Variants in INSYN2B observed in about 807,000 individuals in gnomAD.
INSYN2B encodes the protein inhibitory synaptic factor family member 2B, also known as protein INSYN2B.
INSYN2B carries 16 observed loss-of-function variants against 41.2 expected under a neutral mutation model. The observed-to-expected ratio is 0.39, with a 90% confidence interval of 0.26 to 0.59. The LOEUF is 0.59. Among genes scored for constraint, INSYN2B ranks in the 20% least tolerant of loss-of-function variants. The probability of loss-of-function intolerance (pLI) is 0.57; values close to 1 mark genes in which losing one functional copy is unlikely to be tolerated. For synonymous variants in INSYN2B, 245 were observed against 244.4 expected, an observed-to-expected ratio of 1.00 and a Z score of -0.02; for missense variants, 608 against 646.4, an observed-to-expected ratio of 0.94 and a Z score of 0.64.
At position 169,954,539 on chromosome 5, in the gene INSYN2B, T is replaced by C. The variant is rs75906641; in HGVS notation, c.-919+25738A>G. Reference sequence around the variant, plus strand: ...CCCCTGAAGCTGTGGTTCAGCAGAATCAGGCAGAGCCTGGGTGCAGAAGGG... The same window carrying C: ...CCCCTGAAGCTGTGGTTCAGCAGAACCAGGCAGAGCCTGGGTGCAGAAGGG... On this transcript the variant is annotated intron_variant, in intron 1 of 3. Transcript: ENST00000377365. Among the ~76,000 whole-genome samples, 1,525 of 152,314 alleles carry C rather than the reference T, an allele frequency of 0.01. 77 individuals carry two copies. In the East Asian group the frequency reaches 0.14, roughly 14 times the overall value.
At chr5:169,960,448 A>G (rs1008661939) in intron 1 of INSYN2B, among the ~76,000 whole-genome samples, 28 of 152,342 alleles carry the variant, frequency 1.8e-4, no homozygotes, top group Admixed American at 7.2e-4. Context: ...TTCATCTCAC[A>G]TCTTTTGGGA....
At chr5:169,962,773 G>A (rs1057079905) in intron 1 of INSYN2B, among the ~76,000 whole-genome samples, 1 of 152,188 alleles carries the variant, frequency 6.6e-6, no homozygotes, top group Non-Finnish European at 1.5e-5. Flanking sequence ...AAGGGGAAGA[G>A]AGCACTTTCT....
intron 1 of INSYN2B, among the ~76,000 whole-genome samples, chr5:169,925,352 T>C (rs368987247): frequency 7.9e-5 from 12 of 151,982 alleles, no homozygotes; most frequent in East Asian, 3.9e-4. Context: ...GAGGCTGAGG[T>C]GGGCAGATCA....
intron 1 of INSYN2B, among the ~76,000 whole-genome samples, chr5:169,886,567 A>G (rs991969213): frequency 1.3e-5 from 2 of 152,292 alleles, no homozygotes; most frequent in Non-Finnish European, 2.9e-5. Flanking sequence ...ATTAATAGTA[A>G]CAAATATGTA....
At chr5:169,867,979 A>G (rs1771698521) in intron 3 of INSYN2B, among the ~76,000 whole-genome samples, 1 of 152,190 alleles carries the variant, frequency 6.6e-6, no homozygotes. Context: ...GAACATCTAT[A>G]TTCACAATGC....
At chr5:169,875,268 T>A in intron 3 of INSYN2B, 1 of 456,652 alleles carries the variant, frequency 2.2e-6, no homozygotes, top group South Asian at 1.5e-5. Flanking sequence ...CACCCCACAC[T>A]CTCTGATTCA....
chr5:169,899,256 G>A (rs879251591), intron 1 of INSYN2B, among the ~76,000 whole-genome samples: 3 of 152,190 alleles, frequency 2.0e-5, no homozygotes, highest in Non-Finnish European at 4.4e-5. Flanking sequence ...AGCACGCCCA[G>A]ACAGTATGGC....
chr5:169,957,414 T>G (rs1270873648), intron 1 of INSYN2B, among the ~76,000 whole-genome samples: 1 of 152,192 alleles, frequency 6.6e-6, no homozygotes, highest in Non-Finnish European at 1.5e-5. Flanking sequence ...ACTCAACCAA[T>G]GTTAGCTTAG....
rs554605771 is a variant in INSYN2B at position 169,919,652 on chromosome 5, G to T, written c.-918-34836C>A. On this transcript the variant is annotated intron_variant, in intron 1 of 3. Coordinates refer to ENST00000377365, the MANE Select transcript of INSYN2B (RefSeq NM_001129891.3). Reference sequence around the variant, plus strand: ...GTATTTTTGTGACAGTTATCGTGGGGTCTTTTGCTTTGGTTTGTGTCATTG... The same window carrying T: ...GTATTTTTGTGACAGTTATCGTGGGTTCTTTTGCTTTGGTTTGTGTCATTG... Among the ~76,000 whole-genome samples the T allele has an allele frequency of 5.9e-5, 9 of 152,278 alleles. No homozygotes were observed. The South Asian group carries it at 1.9e-3, about 32-fold the overall frequency.
Position 169,929,828 on chromosome 5 carries a change from C to A in INSYN2B, c.-918-45012G>T, listed in dbSNP as rs78358638. Among the ~76,000 whole-genome samples the A allele has an allele frequency of 7.0e-3, 1,055 of 151,508 alleles. 37 individuals carry two copies. The East Asian group carries it at 0.11, about 16-fold the overall frequency. On this transcript the variant is annotated intron_variant, in intron 1 of 3. Transcript: ENST00000377365. Reference sequence around the variant, plus strand: ...CTTGACCTAGCACTTTCCTATAGACCCTTATATGAGGATAGAAATCTTGTT... The same window carrying A: ...CTTGACCTAGCACTTTCCTATAGACACTTATATGAGGATAGAAATCTTGTT...
rs144614283 is a variant in INSYN2B, at chr5:169,863,114, C to A, written c.*1159G>T. Among the ~76,000 whole-genome samples the A allele has an allele frequency of 2.2e-3, 335 of 152,286 alleles. No homozygotes were observed. The highest frequency in any genetic ancestry group is 7.4e-3 in the African/African-American group (307 of 41,546). ...AGCCATGCAAGTTTGACTGGATCCA[C>A]ATGTATGTAGGTCTTGTCAACAGAA... On this transcript the variant is annotated 3_prime_UTR_variant, in exon 4 of 4. Transcript: ENST00000377365.
intron 1 of INSYN2B, among the ~76,000 whole-genome samples, chr5:169,952,370 C>G (rs1440908197): frequency 6.6e-6 from 1 of 152,036 alleles, no homozygotes; most frequent in Non-Finnish European, 1.5e-5. Flanking sequence ...GTAACTCAAT[C>G]TCCTGCTTGG....
At chr5:169,937,866 G>A (rs75386837) in intron 1 of INSYN2B, among the ~76,000 whole-genome samples, 36 of 152,286 alleles carry the variant, frequency 2.4e-4, no homozygotes, top group African/African-American at 7.9e-4. Flanking sequence ...CTTCTCTCAC[G>A]TGAGTGGTGG....
At chr5:169,966,071 C>T (rs989106746) in intron 1 of INSYN2B, among the ~76,000 whole-genome samples, 3 of 152,192 alleles carry the variant, frequency 2.0e-5, no homozygotes, top group Non-Finnish European at 4.4e-5. Flanking sequence ...AATATTCTGC[C>T]AATCTCGAAA....
chr5:169,883,715 G>C lies in INSYN2B; in HGVS notation c.184C>G (p.Pro62Ala), dbSNP rs1772804760. The change falls in exon 2 of 4, where the codon CCG (proline) becomes GCG (alanine). Residue 62 changes from proline to alanine, a missense_variant. Transcript: ENST00000377365. ...AEVDVQTPED[P>A]AVMGKTQATR... ...GCTTGAGTCTTCCCCATCACAGCCG[G>C]GTCTTCTGGAGTTTGGACGTCAACC... 3 of 1,551,530 alleles carry C rather than the reference G, an allele frequency of 1.9e-6. No homozygotes were observed. In the East Asian group the frequency reaches 7.3e-5, roughly 38 times the overall value.
At chr5:169,939,604 A>T (rs1163909150) in intron 1 of INSYN2B, among the ~76,000 whole-genome samples, 1 of 152,210 alleles carries the variant, frequency 6.6e-6, no homozygotes, top group African/African-American at 2.4e-5. Context: ...TAGTTTACAA[A>T]TAGGTGAGTG....
intron 3 of INSYN2B, among the ~76,000 whole-genome samples, chr5:169,872,358 A>G (rs754244776): frequency 6.6e-5 from 10 of 152,166 alleles, no homozygotes; most frequent in Admixed American, 2.0e-4. Flanking sequence ...GATCACAGGA[A>G]CTTTAGTTTG....
intron 1 of INSYN2B, among the ~76,000 whole-genome samples, chr5:169,951,137 T>C (rs539853586): frequency 6.6e-6 from 1 of 152,276 alleles, no homozygotes; most frequent in Non-Finnish European, 1.5e-5. Context: ...CCCTGGCTGC[T>C]CTGTCATTCT....
At position 169,961,159 on chromosome 5, in the gene INSYN2B, A is replaced by G. The variant is rs149809244; in HGVS notation, c.-919+19118T>C. Among the ~76,000 whole-genome samples, 17 of 152,322 alleles carry G rather than the reference A, an allele frequency of 1.1e-4. 1 individual carries two copies. In the East Asian group the frequency reaches 3.3e-3, roughly 29 times the overall value. ...AGGGAGATCAGTCATATGTCCTACA[A>G]TTGTCATTGGCCATAGATGAGGGGG... On this transcript the variant is annotated intron_variant, in intron 1 of 3. Coordinates refer to ENST00000377365, the MANE Select transcript of INSYN2B (RefSeq NM_001129891.3).
Sources: allele counts gnomAD v4.1 joint callset (sites outside exome capture counted in the v4.1 genomes callset), GRCh38; gene constraint gnomAD v4.1.1; transcripts MANE v1.5; gene names NCBI Gene and HGNC (gene_info 2026-07-23, HGNC 2026-07-21).